CSMD3: variants seen among roughly 807,000 people sequenced by gnomAD.
CSMD3 encodes CUB and sushi domain-containing protein 3.
A neutral mutation model predicts 435.2 loss-of-function variants in CSMD3; 177 were observed. The ratio of observed to expected loss-of-function variants is 0.41; its 90% CI spans 0.36 to 0.46. CSMD3 has a LOEUF of 0.46. Ranked by LOEUF, CSMD3 falls within the 20% of genes least tolerant of loss-of-function variation. CSMD3 has a pLI of 0.34. For missense variants in CSMD3, 4,265 were observed against 4,504.6 expected, an observed-to-expected ratio of 0.95 and a Z score of 1.52; for synonymous variants, 1,656 against 1,520.5, an observed-to-expected ratio of 1.09 and a Z score of -2.07.
At chr8:112,585,634 A>G (rs1830666742) in intron 23 of CSMD3, among the ~76,000 whole-genome samples, 1 of 151,702 alleles carries the variant, frequency 6.6e-6, no homozygotes, top group Non-Finnish European at 1.5e-5. Context: ...GAAATGAATG[A>G]ATTTTAAGCA....
At chr8:112,653,495 A>T (rs750842702) in intron 18 of CSMD3, among the ~76,000 whole-genome samples, 1 of 152,136 alleles carries the variant, frequency 6.6e-6, no homozygotes, top group Non-Finnish European at 1.5e-5. Flanking sequence ...TAATATTTAG[A>T]TATCCAAGAC....
intron 11 of CSMD3, among the ~76,000 whole-genome samples, chr8:112,857,565 T>C (rs1044221544): frequency 7.2e-5 from 11 of 151,736 alleles, no homozygotes; most frequent in South Asian, 2.1e-4. Flanking sequence ...TTCATGTCTA[T>C]CTTGGAAAAA....
At position 112,682,365 on chromosome 8, in the gene CSMD3, G is replaced by T; in HGVS notation, c.2677+77C>A. On this transcript the variant is annotated intron_variant, in intron 16 of 70. Coordinates refer to ENST00000297405, the MANE Select transcript of CSMD3 (RefSeq NM_198123.2). ...GATAATGATTATGACAGTCCTGGTAGGATAATGTGTTTCTTGTTGTGGTTT... is the reference window on the plus strand; with the variant it reads ...GATAATGATTATGACAGTCCTGGTATGATAATGTGTTTCTTGTTGTGGTTT... 3.0e-6 allele frequency: 3 copies of T among 1,000,198 alleles called. No homozygotes were observed. The South Asian group carries it at 3.8e-5, about 13-fold the overall frequency. 62.0% of individuals were successfully genotyped at this position (1,000,198 alleles called of 1,614,324 possible).
intron 38 of CSMD3, among the ~76,000 whole-genome samples, chr8:112,372,475 G>T (rs1828494711): frequency 6.6e-6 from 1 of 152,142 alleles, no homozygotes; most frequent in African/African-American, 2.4e-5. Flanking sequence ...AGTGATAATA[G>T]TATTATGAAA....
rs2130935472 is a variant in CSMD3 at position 112,976,110 on chromosome 8, A to C, written c.1069T>G (p.Leu357Val). 1 of 1,613,952 alleles carries C rather than the reference A, an allele frequency of 6.2e-7. No individual in the cohort carries two copies. Among genetic ancestry groups the C allele is most frequent in the African/African-American group, 1.3e-5 (1 of 75,016 alleles). The change falls in exon 7 of 71, where the codon TTA (leucine) becomes GTA (valine). Residue 357 changes from leucine to valine, a missense_variant. By Grantham distance (32) the Leu-to-Val change is conservative. Coordinates refer to ENST00000297405, the MANE Select transcript of CSMD3 (RefSeq NM_198123.2). ...TLTHTTSTGELEEHNRTTTGA... is the reference protein window; with the variant it reads ...TLTHTTSTGEVEEHNRTTTGA... ...GTGGTAGTCCTGTTATGCTCCTCTA[A>C]CTCACCAGTGGAGGTAGTGTGGGTC... is the stretch of plus-strand genomic sequence containing the variant.
chr8:113,376,266 T>G (rs1053768399), intron 1 of CSMD3, among the ~76,000 whole-genome samples: 9 of 152,164 alleles, frequency 5.9e-5, no homozygotes, highest in Non-Finnish European at 8.8e-5. Flanking sequence ...GTTATTTGAT[T>G]GATGTACAAA....
intron 11 of CSMD3, among the ~76,000 whole-genome samples, chr8:112,849,173 C>T (rs2080413637): frequency 6.6e-6 from 1 of 151,956 alleles, no homozygotes; most frequent in African/African-American, 2.4e-5. Context: ...TGTCTTTATT[C>T]TCTATGAATT....
chr8:112,343,001 T>TTTA (rs72258524), intron 41 of CSMD3, among the ~76,000 whole-genome samples: 3,992 of 108,896 alleles, frequency 0.037, 227 homozygotes, highest in Non-Finnish European at 0.052. Flanking sequence ...ATATATATAT[T>TTTA]TATATATATA....
rs778512338 is a variant in CSMD3, at chr8:112,921,026, CACACACACAT to C, written c.1633+591_1633+600del. Among the ~76,000 whole-genome samples the C allele has an allele frequency of 5.0e-3, 704 of 141,192 alleles. 4 individuals carry two copies. Among genetic ancestry groups the C allele is most frequent in the Non-Finnish European group, 8.2e-3 (509 of 62,092 alleles). 92.6% of individuals were successfully genotyped at this position (141,192 alleles called of 152,430 possible). A position where few individuals can be genotyped will look rare whatever the true frequency, so the allele number is the denominator to read the frequency against. On this transcript the variant is annotated intron_variant, in intron 10 of 70. Coordinates refer to ENST00000297405, the MANE Select transcript of CSMD3 (RefSeq NM_198123.2). The stretch of plus-strand genomic sequence containing the variant: ...ACACACACACACACACACACACACA[CACACACACAT>C]ATATATACCTCCAGTAATTCCAGAT...
chr8:112,264,156 T>C (rs1253521398), intron 60 of CSMD3, among the ~76,000 whole-genome samples: 1 of 152,136 alleles, frequency 6.6e-6, no homozygotes, highest in Non-Finnish European at 1.5e-5. Flanking sequence ...TATTTTCCAA[T>C]GACCTTTAGA....
At chr8:113,167,855 T>C (rs2092184207) in intron 4 of CSMD3, among the ~76,000 whole-genome samples, 1 of 152,218 alleles carries the variant, frequency 6.6e-6, no homozygotes, top group Non-Finnish European at 1.5e-5. Flanking sequence ...ACTAGATCTC[T>C]ATGTGAAATG....
chr8:113,366,816 G>GA, intron 1 of CSMD3, among the ~76,000 whole-genome samples: 1 of 152,044 alleles, frequency 6.6e-6, no homozygotes, highest in South Asian at 2.1e-4. Context: ...TGTATCTTGG[G>GA]ATAATGTGTT....
chr8:113,208,173 A>C (rs1319850818), intron 3 of CSMD3, among the ~76,000 whole-genome samples: 1 of 152,208 alleles, frequency 6.6e-6, no homozygotes, highest in Non-Finnish European at 1.5e-5. Context: ...AATTCTGTGC[A>C]TTTCTTACAG....
Position 112,846,829 on chromosome 8 carries a change from A to G in CSMD3, c.1755+12316T>C, listed in dbSNP as rs754653089. On this transcript the variant is annotated intron_variant, in intron 11 of 70. Coordinates refer to ENST00000297405, the MANE Select transcript of CSMD3 (RefSeq NM_198123.2). ...TAAATAAACCATTTGAACAAAAAAA[A>G]TAAGTACCATTGGTAGGGGTTAGGA... 1.2e-4 allele frequency among the ~76,000 whole-genome samples: 18 copies of G among 152,234 alleles called. No homozygotes were observed. The South Asian group carries it at 2.3e-3, about 19-fold the overall frequency.
At chr8:112,281,774 G>A (rs1297363129) in intron 58 of CSMD3, among the ~76,000 whole-genome samples, 2 of 152,074 alleles carry the variant, frequency 1.3e-5, no homozygotes, top group Non-Finnish European at 2.9e-5. Flanking sequence ...AGAAAAGACA[G>A]ATACACAATT....
intron 13 of CSMD3, among the ~76,000 whole-genome samples, chr8:112,738,616 C>A (rs1304777748): frequency 6.6e-6 from 1 of 151,446 alleles, no homozygotes; most frequent in Non-Finnish European, 1.5e-5. Flanking sequence ...AAAAATGGTT[C>A]TCAATATAAT....
chr8:113,431,928 C>T (rs749227085), intron 1 of CSMD3, among the ~76,000 whole-genome samples: 4 of 152,126 alleles, frequency 2.6e-5, no homozygotes, highest in Non-Finnish European at 4.4e-5. Flanking sequence ...AATTCAGCTA[C>T]CCTACAAATA....
At chr8:112,390,836 A>T (rs764542838) in intron 35 of CSMD3, 48 bp from the exon 36 acceptor site, 7 of 1,570,366 alleles carry the variant, frequency 4.5e-6, no homozygotes, top group Non-Finnish European at 6.1e-6. Flanking sequence ...AATGCAAAGG[A>T]TTAAAATAAG....
In CSMD3 at chr8:112,550,828, G is replaced by A. The variant is rs1309877076; in HGVS notation, c.4407C>T (p.Leu1469=). The change falls in exon 27 of 71, where the codon CTC becomes CTT. Residue 1469 remains leucine (L), a synonymous_variant. Transcript: ENST00000297405. ...AFDTEASHDI[L]RVWDGPPEND... ...TTTCTGGTGGACCGTCCCAGACTCG[G>A]AGTATATCATGTGATGCTTCCGTAT... The A allele has an allele frequency of 3.1e-6, 5 of 1,612,286 alleles. No individual in the cohort carries two copies. The highest frequency in any genetic ancestry group is 1.7e-6 in the Non-Finnish European group (2 of 1,178,710).
Sources: allele counts gnomAD v4.1 joint callset (sites outside exome capture counted in the v4.1 genomes callset), GRCh38; gene constraint gnomAD v4.1.1; transcripts MANE v1.5; gene names NCBI Gene and HGNC (gene_info 2026-07-23, HGNC 2026-07-21).